The following RIT2 variants were observed in gnomAD, a reference collection of about 807,000 sequenced individuals.
The protein encoded by RIT2 is Ras like without CAAX 2.
In RIT2, 24 loss-of-function variants were observed where a neutral mutation model predicts 23.7. The ratio of observed to expected loss-of-function variants is 1.01; its 90% confidence interval spans 0.73 to 1.43. The LOEUF is 1.43. Among genes scored for constraint, RIT2 ranks in the 40% most tolerant of loss-of-function variants. The pLI is 0.00. For synonymous variants in RIT2, 107 were observed against 91.1 expected (o/e 1.17, Z -0.99); for missense variants, 236 against 266.9 (o/e 0.88, Z 0.81).
intron 4 of RIT2, among the ~76,000 whole-genome samples, chr18:42,908,773 A>G (rs1908690405): frequency 6.6e-6 from 1 of 152,126 alleles, no homozygotes; most frequent in African/African-American, 2.4e-5. Flanking sequence ...AAGAGTAACC[A>G]TAGGACTGCT....
intron 4 of RIT2, among the ~76,000 whole-genome samples, chr18:42,786,688 C>CT (rs1913929448): frequency 6.6e-6 from 1 of 152,110 alleles, no homozygotes; most frequent in Admixed American, 6.5e-5. Context: ...CATGTGAACT[C>CT]TTTGCTCCAG....
chr18:42,914,523 C>T (rs544339057), intron 4 of RIT2, among the ~76,000 whole-genome samples: 1 of 152,104 alleles, frequency 6.6e-6, no homozygotes, highest in South Asian at 2.1e-4. Context: ...GAGTGAAAAA[C>T]AATCTCAAAA....
At chr18:42,888,650 G>T (rs1908092787) in intron 4 of RIT2, among the ~76,000 whole-genome samples, 1 of 151,762 alleles carries the variant, frequency 6.6e-6, no homozygotes, top group Admixed American at 6.6e-5. Flanking sequence ...CAAAGACATG[G>T]GATCAACCCA....
intron 2 of RIT2, among the ~76,000 whole-genome samples, chr18:43,008,059 ATT>A (rs1686457917): frequency 1.3e-5 from 2 of 151,764 alleles, no homozygotes; most frequent in African/African-American, 4.8e-5. Flanking sequence ...CCACATATGA[ATT>A]TGTCTTTCCA....
rs140232609 is a variant in RIT2 at position 43,084,104 on chromosome 18, C to CA, written c.103+31312dup. Among the ~76,000 whole-genome samples, 375 of 152,280 alleles carry CA rather than the reference C, an allele frequency of 2.5e-3. 6 individuals are homozygous for CA. The highest frequency in any genetic ancestry group is 8.7e-3 in the African/African-American group (360 of 41,568). ...TGAACAGACATTTCTCAAAAAAAGA[C>CA]ATTTATGCAGTCAACACACATAGGA... On this transcript the variant is annotated intron_variant, in intron 1 of 4. Coordinates refer to ENST00000326695, the MANE Select transcript of RIT2 (RefSeq NM_002930.4).
chr18:42,962,767 T>G (rs185459175), intron 3 of RIT2, among the ~76,000 whole-genome samples: 2 of 152,308 alleles, frequency 1.3e-5, no homozygotes, highest in Admixed American at 6.5e-5. Context: ...GTGAGTAGTC[T>G]CTGAATGAGA....
intron 4 of RIT2, among the ~76,000 whole-genome samples, chr18:42,819,130 A>T (rs1404586474): frequency 6.6e-6 from 1 of 152,072 alleles, no homozygotes; most frequent in Non-Finnish European, 1.5e-5. Flanking sequence ...AGATACTCTT[A>T]TCTAAAATAA....
At chr18:43,078,466 C>G (rs2144344523) in intron 1 of RIT2, among the ~76,000 whole-genome samples, 1 of 152,332 alleles carries the variant, frequency 6.6e-6, no homozygotes, top group African/African-American at 2.4e-5. Flanking sequence ...TAAATCTACA[C>G]AGCCTCTGAA....
intron 1 of RIT2, among the ~76,000 whole-genome samples, chr18:43,109,411 G>A (rs542229112): frequency 2.0e-5 from 3 of 152,088 alleles, no homozygotes; most frequent in African/African-American, 7.2e-5. Flanking sequence ...CTACCACTTA[G>A]AGACACTAAA....
At chr18:42,848,109 T>G (rs1004175772) in intron 4 of RIT2, among the ~76,000 whole-genome samples, 2 of 152,004 alleles carry the variant, frequency 1.3e-5, no homozygotes, top group African/African-American at 4.8e-5. Context: ...GCCAAGCTCA[T>G]TCCAAGGGTG....
rs1322692621 is a variant in RIT2, at chr18:42,901,625, C to T, written c.426+21947G>A. Among the ~76,000 whole-genome samples, 4 of 151,986 alleles carry T rather than the reference C, an allele frequency of 2.6e-5. 1 individual carries two copies. The Middle Eastern group carries it at 0.01, about 388-fold the overall frequency. ...GATATTGTACAAATAGATGTGTCAC[C>T]ATTTAAAAAATCTGTATAACTCATT... On this transcript the variant is annotated intron_variant, in intron 4 of 4. Coordinates refer to ENST00000326695, the MANE Select transcript of RIT2 (RefSeq NM_002930.4).
rs142608615 is a variant in RIT2 at position 42,969,708 on chromosome 18, A to AT, written c.234+4365dup. Among the ~76,000 whole-genome samples, 873 of 152,086 alleles carry AT rather than the reference A, an allele frequency of 5.7e-3. 10 individuals are homozygous for AT. The highest frequency in any genetic ancestry group is 0.02 in the African/African-American group (831 of 41,538). ...AAAATTGAAGGTATTTGCAGAATTA[A>AT]TTTTTTTGCTTCTAATAAGAATGAG... On this transcript the variant is annotated intron_variant, in intron 3 of 4. Transcript: ENST00000326695.
At chr18:43,113,133 C>G (rs1003515068) in intron 1 of RIT2, among the ~76,000 whole-genome samples, 1 of 152,026 alleles carries the variant, frequency 6.6e-6, no homozygotes, top group Non-Finnish European at 1.5e-5. Context: ...ATATTTTAAC[C>G]TTCAATAGAA....
intron 4 of RIT2, among the ~76,000 whole-genome samples, chr18:42,818,253 G>A (rs144439935): frequency 3.3e-5 from 5 of 152,132 alleles, no homozygotes; most frequent in African/African-American, 2.4e-5. Flanking sequence ...AAATATTGAT[G>A]CCTAGAATGG....
chr18:42,949,250 G>T (rs932723962), intron 3 of RIT2, among the ~76,000 whole-genome samples: 1 of 152,046 alleles, frequency 6.6e-6, no homozygotes, highest in African/African-American at 2.4e-5. Flanking sequence ...TGAGGATGAC[G>T]GGGAACTCTC....
intron 1 of RIT2, among the ~76,000 whole-genome samples, chr18:43,067,685 G>C (rs1347088927): frequency 6.6e-6 from 1 of 152,168 alleles, no homozygotes; most frequent in East Asian, 1.9e-4. Context: ...CCACCAGGTA[G>C]CAGGCTTCAG....
intron 2 of RIT2, among the ~76,000 whole-genome samples, chr18:43,002,935 C>T (rs1911141447): frequency 6.6e-6 from 1 of 151,788 alleles, no homozygotes; most frequent in South Asian, 2.1e-4. Flanking sequence ...CAGAAGAGAA[C>T]AGGGAAAGAT....
At chr18:43,095,235 C>G (rs974053791) in intron 1 of RIT2, among the ~76,000 whole-genome samples, 3 of 152,086 alleles carry the variant, frequency 2.0e-5, no homozygotes, top group Admixed American at 2.0e-4. Flanking sequence ...TCTTTCCTGA[C>G]TTTTTAATGA....
At chr18:43,076,162 A>G (rs1913009153) in intron 1 of RIT2, among the ~76,000 whole-genome samples, 1 of 152,176 alleles carries the variant, frequency 6.6e-6, no homozygotes, top group African/African-American at 2.4e-5. Context: ...TCAGATTGTG[A>G]GAATATATTA....
Sources: gnomAD v4.1 joint callset for allele counts (sites outside exome capture counted in the v4.1 genomes callset) on GRCh38, gnomAD v4.1.1 for gene constraint, MANE v1.5 for transcripts, NCBI Gene and HGNC (gene_info 2026-07-23, HGNC 2026-07-21) for gene names.